The following CYSLTR2 variants were observed in gnomAD, a reference collection of about 807,000 sequenced individuals.
CYSLTR2 encodes G-protein coupled receptor GPCR21.
For missense variants in CYSLTR2, 398 were observed against 411.9 expected (o/e 0.97, Z 0.29); for synonymous variants, 179 against 160.8 (o/e 1.11, Z -0.86).
intron 4 of CYSLTR2, among the ~76,000 whole-genome samples, chr13:48,699,090 A>G (rs549177432): frequency 6.6e-6 from 1 of 152,332 alleles, no homozygotes; most frequent in Admixed American, 6.5e-5. Context: ...TTAACACCCC[A>G]CTGTCAACAT....
intron 3 of CYSLTR2, among the ~76,000 whole-genome samples, chr13:48,693,987 G>A (rs183423496): frequency 3.3e-5 from 5 of 152,328 alleles, no homozygotes; most frequent in African/African-American, 4.8e-5. Flanking sequence ...AAACATGCAC[G>A]TTTGTGTTAC....
In CYSLTR2 at chr13:48,707,470, G is replaced by A. The variant is rs1175157777; in HGVS notation, c.653G>A (p.Ser218Asn). 4 of 1,613,474 alleles carry A rather than the reference G, an allele frequency of 2.5e-6. No homozygotes were observed. The highest frequency in any genetic ancestry group is 1.7e-5 in the Admixed American group (1 of 59,992). ...TGCCTGCTGCCATTTTTCACACTCA[G>A]CATCTGTTATCTGCTGATCATTCGG... ...VGCLLPFFTL[S>N]ICYLLIIRVL... Residue 218 changes from serine to asparagine, a missense_variant, in exon 5 of 5, where the codon AGC becomes AAC. Transcript: ENST00000682523.
intron 1 of CYSLTR2, among the ~76,000 whole-genome samples, chr13:48,680,795 C>CTTTTTTTTTTTTTTTTTTTTTTTTTT (rs1268529678): frequency 9.0e-6 from 1 of 110,618 alleles, no homozygotes; most frequent in African/African-American, 4.2e-5. Context: ...CTTTTCTTTT[C>CTTTTTTTTTTTTTTTTTTTTTTTTTT]TTTTCTTTTT....
intron 1 of CYSLTR2, among the ~76,000 whole-genome samples, chr13:48,677,967 G>A (rs1222578236): frequency 6.6e-6 from 1 of 151,532 alleles, no homozygotes; most frequent in Non-Finnish European, 1.5e-5. Flanking sequence ...CGCCTTCAGG[G>A]TTCAAGCTCT....
chr13:48,670,560 T>C (rs780158751), intron 1 of CYSLTR2, among the ~76,000 whole-genome samples: 1 of 152,202 alleles, frequency 6.6e-6, no homozygotes, highest in Non-Finnish European at 1.5e-5. Flanking sequence ...CTTGTTTTTG[T>C]CAGTTTTGTC....
intron 1 of CYSLTR2, among the ~76,000 whole-genome samples, chr13:48,690,700 T>C (rs1954016667): frequency 6.6e-6 from 1 of 152,172 alleles, no homozygotes; most frequent in South Asian, 2.1e-4. Flanking sequence ...ATCAGGGAAA[T>C]TGGCCTGAAA....
chr13:48,655,158 G>A (rs1212659869), intron 1 of CYSLTR2, among the ~76,000 whole-genome samples: 2 of 152,116 alleles, frequency 1.3e-5, no homozygotes, highest in African/African-American at 4.8e-5. Flanking sequence ...CCAGTGCTTC[G>A]GTGGTTAAAA....
intron 3 of CYSLTR2, among the ~76,000 whole-genome samples, chr13:48,695,303 CT>C (rs1372137961): frequency 7.0e-6 from 1 of 143,026 alleles, no homozygotes; most frequent in Non-Finnish European, 1.5e-5. Context: ...TCTCTTTCTT[CT>C]TTCTTTCTCT....
intron 1 of CYSLTR2, among the ~76,000 whole-genome samples, chr13:48,660,459 T>G (rs1314008695): frequency 6.6e-6 from 1 of 152,138 alleles, no homozygotes; most frequent in Admixed American, 6.5e-5. Context: ...GGGGGCTCCT[T>G]GAGGCACTTT....
chr13:48,665,262 C>T (rs7334400), intron 1 of CYSLTR2, among the ~76,000 whole-genome samples: 28,904 of 151,920 alleles, frequency 0.19, 3,270 homozygotes, highest in South Asian at 0.27. Context: ...ATGTTTCACA[C>T]GCTGATGAAA....
intron 1 of CYSLTR2, among the ~76,000 whole-genome samples, chr13:48,679,054 G>A (rs562936059): frequency 2.0e-5 from 3 of 152,172 alleles, no homozygotes; most frequent in African/African-American, 7.2e-5. Flanking sequence ...ATGGAGAAAG[G>A]CCCCTCTGGA....
intron 1 of CYSLTR2, among the ~76,000 whole-genome samples, chr13:48,664,038 G>A (rs1037572260): frequency 6.6e-6 from 1 of 152,010 alleles, no homozygotes; most frequent in African/African-American, 2.4e-5. Context: ...ATCATGAAGT[G>A]AGCTTAAATT....
intron 1 of CYSLTR2, among the ~76,000 whole-genome samples, chr13:48,685,045 A>T (rs144965600): frequency 6.6e-6 from 1 of 152,314 alleles, no homozygotes; most frequent in East Asian, 1.9e-4. Flanking sequence ...CCATTCTCAC[A>T]CTGCTATAAA....
At chr13:48,695,615 A>G (rs1365130031) in intron 3 of CYSLTR2, among the ~76,000 whole-genome samples, 3 of 151,674 alleles carry the variant, frequency 2.0e-5, no homozygotes, top group Non-Finnish European at 4.4e-5. Flanking sequence ...GGCAATTACA[A>G]ATCTGTGTTC....
chr13:48,705,596 C>A (rs550677452), intron 4 of CYSLTR2, among the ~76,000 whole-genome samples: 17 of 148,628 alleles, frequency 1.1e-4, no homozygotes, highest in African/African-American at 1.7e-4. Context: ...GTATTTCTCT[C>A]TATATATATA....
chr13:48,703,624 A>G (rs1954407655), intron 4 of CYSLTR2, among the ~76,000 whole-genome samples: 1 of 152,144 alleles, frequency 6.6e-6, no homozygotes, highest in Non-Finnish European at 1.5e-5. Context: ...ATTTTATTTG[A>G]TGGTATTTTG....
chr13:48,700,537 A>G (rs1030773076), intron 4 of CYSLTR2, among the ~76,000 whole-genome samples: 3 of 152,232 alleles, frequency 2.0e-5, no homozygotes, highest in Admixed American at 6.5e-5. Flanking sequence ...AGAGCTATTT[A>G]TGACAAACCC....
intron 1 of CYSLTR2, among the ~76,000 whole-genome samples, chr13:48,686,740 A>G (rs1953902230): frequency 6.6e-6 from 1 of 152,234 alleles, no homozygotes; most frequent in African/African-American, 2.4e-5. Flanking sequence ...TTGCCTTACA[A>G]ATTTAAGTGT....
In CYSLTR2 at chr13:48,707,039, C is replaced by A. The variant is rs376375520; in HGVS notation, c.222C>A (p.Asn74Lys). 1.9e-6 allele frequency: 3 copies of A among 1,614,140 alleles called. No individual in the cohort carries two copies. The highest frequency in any genetic ancestry group is 2.2e-5 in the East Asian group (1 of 44,882). ...CTTATAAGAAGTCCACATCTGTGAA[C>A]GTTTTCATGCTAAATCTGGCCATTT... ...LQPYKKSTSV[N>K]VFMLNLAISD... The change falls in exon 5 of 5, where the codon AAC (asparagine) becomes AAA (lysine). Residue 74 changes from asparagine (N) to lysine (K), a missense_variant. Transcript: ENST00000682523.
Sources: gnomAD v4.1 joint callset for allele counts (sites outside exome capture counted in the v4.1 genomes callset) on GRCh38, gnomAD v4.1.1 for gene constraint, MANE v1.5 for transcripts, NCBI Gene and HGNC (gene_info 2026-07-23, HGNC 2026-07-21) for gene names.